Variants in SARNP observed in about 807,000 individuals in gnomAD.
SARNP encodes the protein SAP domain-containing ribonucleoprotein.
A neutral mutation model predicts 38.1 loss-of-function variants in SARNP; 5 were observed. The observed-to-expected ratio is 0.13, with a 90% CI of 0.07 to 0.28. The LOEUF (loss-of-function observed/expected upper bound fraction) is 0.28. SARNP is among the 10% of genes least tolerant of loss of function. The probability of loss-of-function intolerance (pLI) is 1.00; values close to 1 mark genes in which losing one functional copy is unlikely to be tolerated. For synonymous variants in SARNP, 84 were observed against 80.6 expected, an observed-to-expected ratio of 1.04 and a Z score of -0.23; for missense variants, 180 against 243.9, an observed-to-expected ratio of 0.74 and a Z score of 1.75.
intron 9 of SARNP, among the ~76,000 whole-genome samples, chr12:55,763,194 T>C (rs1203215142): frequency 6.6e-6 from 1 of 152,250 alleles, no homozygotes; most frequent in East Asian, 1.9e-4. Context: ...TAAGTATTCT[T>C]GTCCTTAATA....
At chr12:55,791,026 G>C (rs895339117) in intron 7 of SARNP, among the ~76,000 whole-genome samples, 1 of 152,190 alleles carries the variant, frequency 6.6e-6, no homozygotes, top group East Asian at 1.9e-4. Flanking sequence ...AAAATGAATA[G>C]AGATACATGC....
chr12:55,810,669 T>C (rs1409028673), intron 1 of SARNP, among the ~76,000 whole-genome samples: 1 of 151,512 alleles, frequency 6.6e-6, no homozygotes, highest in African/African-American at 2.4e-5. Context: ...GTCAGGCTGG[T>C]CTTGAACTCC....
At chr12:55,773,483 C>A (rs887506260) in intron 9 of SARNP, among the ~76,000 whole-genome samples, 1 of 152,174 alleles carries the variant, frequency 6.6e-6, no homozygotes, top group Non-Finnish European at 1.5e-5. Context: ...CTAGGTAGCA[C>A]ACCTGTCTTA....
intron 4 of SARNP, 63 bp from the exon 5 acceptor site, chr12:55,796,139 T>C: frequency 8.5e-7 from 1 of 1,175,012 alleles, no homozygotes; most frequent in Non-Finnish European, 1.3e-6. Context: ...ACCTCAGAAA[T>C]GTGTAAGAAT....
At chr12:55,782,348 T>G (rs1879363659) in intron 9 of SARNP, among the ~76,000 whole-genome samples, 1 of 152,200 alleles carries the variant, frequency 6.6e-6, no homozygotes, top group Non-Finnish European at 1.5e-5. Context: ...TAGACTTGCT[T>G]TGTTTTTTAA....
At chr12:55,793,991 G>A (rs1879748166) in intron 7 of SARNP, 1 of 213,704 alleles carries the variant, frequency 4.7e-6, no homozygotes, top group African/African-American at 2.4e-5. Flanking sequence ...AAACTGTTAA[G>A]GTAGAAGATA....
At chr12:55,817,609 C>T (rs1880536216) in intron 1 of SARNP, 57 bp downstream of exon 1, 2 of 1,533,546 alleles carry the variant, frequency 1.3e-6, no homozygotes, top group South Asian at 2.3e-5. Context: ...CGCAAGCTAC[C>T]CTGTAGAATT....
chr12:55,783,564 T>G (rs530274131), intron 9 of SARNP, among the ~76,000 whole-genome samples: 2 of 146,922 alleles, frequency 1.4e-5, no homozygotes, highest in Admixed American at 1.4e-4. Context: ...GAAAAGGACA[T>G]GATGATTTAG....
At chr12:55,792,352 T>A (rs1879696956) in intron 7 of SARNP, among the ~76,000 whole-genome samples, 1 of 151,802 alleles carries the variant, frequency 6.6e-6, no homozygotes, top group Non-Finnish European at 1.5e-5. Context: ...AAGTTTTAAG[T>A]TCCTGAGAAA....
At chr12:55,810,063 A>G (rs891552386) in intron 1 of SARNP, among the ~76,000 whole-genome samples, 3 of 152,192 alleles carry the variant, frequency 2.0e-5, no homozygotes, top group African/African-American at 7.2e-5. Flanking sequence ...AAGACATATC[A>G]ACTTACCCTC....
chr12:55,769,424 T>A (rs1043761102), intron 9 of SARNP, among the ~76,000 whole-genome samples: 26 of 152,228 alleles, frequency 1.7e-4, no homozygotes, highest in Admixed American at 7.9e-4. Flanking sequence ...TACTGTTCTT[T>A]ACATAACTAC....
intron 1 of SARNP, among the ~76,000 whole-genome samples, chr12:55,810,555 C>T (rs913131323): frequency 2.0e-5 from 3 of 151,566 alleles, no homozygotes; most frequent in Non-Finnish European, 4.4e-5. Context: ...CCAGTTCAAG[C>T]GATTCTCCTG....
At chr12:55,769,592 T>C (rs1878946160) in intron 9 of SARNP, among the ~76,000 whole-genome samples, 1 of 152,242 alleles carries the variant, frequency 6.6e-6, no homozygotes, top group Non-Finnish European at 1.5e-5. Flanking sequence ...GCCATAAAGT[T>C]TGGAGCCAAA....
intron 9 of SARNP, among the ~76,000 whole-genome samples, chr12:55,767,660 A>C (rs1159330544): frequency 6.6e-6 from 1 of 151,898 alleles, no homozygotes; most frequent in Admixed American, 6.6e-5. Flanking sequence ...ATCCTGGCTA[A>C]CACGGTGAAA....
intron 7 of SARNP, among the ~76,000 whole-genome samples, chr12:55,792,166 T>A (rs1035931119): frequency 6.6e-6 from 1 of 152,100 alleles, no homozygotes; most frequent in Non-Finnish European, 1.5e-5. Flanking sequence ...TTGATGCAAC[T>A]AAGAGCCAGA....
chr12:55,806,563 T>C (rs773285969), intron 1 of SARNP, among the ~76,000 whole-genome samples: 1 of 151,490 alleles, frequency 6.6e-6, no homozygotes, highest in Admixed American at 6.6e-5. Context: ...GTGTGAACCA[T>C]AAATTAAAGG....
chr12:55,787,241 TAA>T (rs4016515), intron 9 of SARNP, among the ~76,000 whole-genome samples: 12 of 103,414 alleles, frequency 1.2e-4, no homozygotes, highest in Non-Finnish European at 1.5e-4. Context: ...CAAAAAAGAC[TAA>T]AAAAAAAAAA....
At position 55,790,582 on chromosome 12, in the gene SARNP, A is replaced by G. The variant is rs1457207174; in HGVS notation, c.417T>C (p.Ser139=). The change falls in exon 8 of 11, where the codon TCT becomes TCC. Residue 139 remains serine (S), a synonymous_variant. Coordinates refer to ENST00000336133, the MANE Select transcript of SARNP (RefSeq NM_033082.4). ...ISSVPTKGLS[S]DNKPMVNLDK... is the part of the protein sequence containing the mutation. Reference sequence around the variant, plus strand: ...GATTTCTTACCATAGGTTTGTTATCAGATGACAGACCTAAGGAAGTAAATA... The same window carrying G: ...GATTTCTTACCATAGGTTTGTTATCGGATGACAGACCTAAGGAAGTAAATA... The G allele has an allele frequency of 3.2e-6, 5 of 1,550,302 alleles. No homozygotes were observed. The highest frequency in any genetic ancestry group is 4.4e-6 in the Non-Finnish European group (5 of 1,147,964).
chr12:55,781,125 A>G (rs1213730111), intron 9 of SARNP, among the ~76,000 whole-genome samples: 1 of 152,254 alleles, frequency 6.6e-6, no homozygotes, highest in East Asian at 1.9e-4. Context: ...TAGGCCCTCC[A>G]GAAGAGAATG....
Sources: allele counts gnomAD v4.1 joint callset (sites outside exome capture counted in the v4.1 genomes callset), GRCh38; gene constraint gnomAD v4.1.1; transcripts MANE v1.5; gene names NCBI Gene and HGNC (gene_info 2026-07-23, HGNC 2026-07-21).